GUCY1A2: variants seen among roughly 807,000 people sequenced by gnomAD.
GUCY1A2 encodes guanylate cyclase soluble subunit alpha-2.
In GUCY1A2, 27 loss-of-function variants were observed where a neutral mutation model predicts 63.5. That is an observed-to-expected ratio of 0.43 (90% CI 0.31 to 0.59). The LOEUF is 0.59. Ranked by LOEUF, GUCY1A2 falls within the 20% of genes least tolerant of loss-of-function variation. The pLI, the probability that GUCY1A2 is intolerant of heterozygous loss-of-function variation, is 0.11. For missense variants in GUCY1A2, 768 were observed against 913.3 expected, an observed-to-expected ratio of 0.84 and a Z score of 2.05; for synonymous variants, 364 against 343.5, an observed-to-expected ratio of 1.06 and a Z score of -0.66.
chr11:106,756,836 C>T (rs1436286417), intron 6 of GUCY1A2, among the ~76,000 whole-genome samples: 1 of 152,076 alleles, frequency 6.6e-6, no homozygotes, highest in Non-Finnish European at 1.5e-5. Context: ...TGGGGTTGCT[C>T]TTCTCGAGGA....
At chr11:106,956,567 G>T (rs990357569) in intron 3 of GUCY1A2, among the ~76,000 whole-genome samples, 1 of 152,000 alleles carries the variant, frequency 6.6e-6, no homozygotes. Flanking sequence ...TTTGCTAGGG[G>T]TTCACTTCAG....
intron 4 of GUCY1A2, among the ~76,000 whole-genome samples, chr11:106,879,234 T>A (rs2135470103): frequency 6.6e-6 from 1 of 152,224 alleles, no homozygotes; most frequent in South Asian, 2.1e-4. Flanking sequence ...GTCCTATGTG[T>A]GTTTATTCAG....
Position 106,873,892 on chromosome 11 carries a change from G to T in GUCY1A2, c.1207-63414C>A, listed in dbSNP as rs116586094. ...CAATCTGTTAATAATTATCCAAATT[G>T]TCTATGAACTCTCCATGTCTCCATG... On this transcript the variant is annotated intron_variant, in intron 4 of 7. Coordinates refer to ENST00000526355, the MANE Select transcript of GUCY1A2 (RefSeq NM_000855.3). Among the ~76,000 whole-genome samples, 1,340 of 152,212 alleles carry T rather than the reference G, an allele frequency of 8.8e-3. 17 individuals carry two copies. The highest frequency in any genetic ancestry group is 0.031 in the African/African-American group (1,278 of 41,546).
chr11:106,816,357 C>CT (rs1371116504), intron 4 of GUCY1A2, among the ~76,000 whole-genome samples: 1 of 151,532 alleles, frequency 6.6e-6, no homozygotes, highest in Non-Finnish European at 1.5e-5. Context: ...GAAAATGAAA[C>CT]AACACTTTTC....
chr11:106,869,249 T>C (rs982224132), intron 4 of GUCY1A2, among the ~76,000 whole-genome samples: 2 of 152,068 alleles, frequency 1.3e-5, no homozygotes, highest in Non-Finnish European at 2.9e-5. Context: ...AATGCCAAAA[T>C]TGACAAATGG....
chr11:106,984,083 G>A (rs1861371023), intron 2 of GUCY1A2, among the ~76,000 whole-genome samples: 1 of 152,134 alleles, frequency 6.6e-6, no homozygotes, highest in South Asian at 2.1e-4. Flanking sequence ...TGAGAAAAAA[G>A]GCAAGAAAGG....
At chr11:106,736,049 T>C (rs2135375051) in intron 6 of GUCY1A2, among the ~76,000 whole-genome samples, 1 of 152,304 alleles carries the variant, frequency 6.6e-6, no homozygotes, top group Admixed American at 6.5e-5. Context: ...GTCAGATAGA[T>C]AGTTTGCAAA....
At chr11:106,925,391 A>G (rs1004136147) in intron 4 of GUCY1A2, among the ~76,000 whole-genome samples, 2 of 152,184 alleles carry the variant, frequency 1.3e-5, no homozygotes, top group Non-Finnish European at 2.9e-5. Flanking sequence ...TGAGTTTTAT[A>G]CCAAGAGGTA....
intron 6 of GUCY1A2, among the ~76,000 whole-genome samples, chr11:106,756,849 A>G (rs1051821345): frequency 5.9e-5 from 9 of 152,082 alleles, no homozygotes; most frequent in African/African-American, 2.2e-4. Flanking sequence ...CTCGAGGAAT[A>G]TCTTTGTGGT....
intron 6 of GUCY1A2, among the ~76,000 whole-genome samples, chr11:106,739,477 T>C (rs1863652051): frequency 1.3e-5 from 2 of 152,208 alleles, no homozygotes; most frequent in Admixed American, 1.3e-4. Flanking sequence ...ACACTATGTT[T>C]TACCTTGTTT....
chr11:106,722,536 A>G (rs1431329394), intron 6 of GUCY1A2, among the ~76,000 whole-genome samples: 5 of 152,094 alleles, frequency 3.3e-5, no homozygotes. Flanking sequence ...AGAATAATAG[A>G]ACCATGAACC....
chr11:106,698,783 C>T (rs372525546), intron 7 of GUCY1A2, among the ~76,000 whole-genome samples: 20 of 152,238 alleles, frequency 1.3e-4, no homozygotes, highest in South Asian at 6.2e-4. Flanking sequence ...AAGATGAGAT[C>T]ATTTATGTGG....
chr11:106,823,600 T>C (rs555862908), intron 4 of GUCY1A2, among the ~76,000 whole-genome samples: 2 of 152,142 alleles, frequency 1.3e-5, no homozygotes, highest in African/African-American at 2.4e-5. Context: ...AGAAGTGGGA[T>C]TGCTGGGTCA....
rs1477807154 is a variant in GUCY1A2, at chr11:106,678,030, A to C, written c.*9519T>G. On this transcript the variant is annotated 3_prime_UTR_variant, in exon 8 of 8. Coordinates refer to ENST00000526355, the MANE Select transcript of GUCY1A2 (RefSeq NM_000855.3). ...AAATGAATTTTATGAGTGCCTGGTGACACACTTGAAACAAATTTTAAAAGA... is the reference window on the plus strand; with the variant it reads ...AAATGAATTTTATGAGTGCCTGGTGCCACACTTGAAACAAATTTTAAAAGA... The C allele has an allele frequency of 5.0e-6, 1 of 201,874 alleles. No homozygotes were observed. 12.5% of individuals were successfully genotyped at this position (201,874 alleles called of 1,614,324 possible).
At chr11:106,765,546 A>G (rs187992878) in intron 6 of GUCY1A2, among the ~76,000 whole-genome samples, 231 of 152,258 alleles carry the variant, frequency 1.5e-3, no homozygotes, top group Admixed American at 2.9e-3. Context: ...CATTTGTTGA[A>G]TAAATGAGTA....
chr11:106,799,991 A>G (rs1026812577), intron 5 of GUCY1A2, among the ~76,000 whole-genome samples: 2 of 152,320 alleles, frequency 1.3e-5, no homozygotes, highest in African/African-American at 4.8e-5. Context: ...CAATTTACTC[A>G]TCTGACAAAG....
At chr11:107,015,102 T>G (rs1211251701) in intron 1 of GUCY1A2, among the ~76,000 whole-genome samples, 1 of 152,144 alleles carries the variant, frequency 6.6e-6, no homozygotes, top group Non-Finnish European at 1.5e-5. Context: ...AAATATAATC[T>G]CTCTCTTTTA....
intron 4 of GUCY1A2, chr11:106,824,019 T>C (rs1858935571): frequency 5.3e-6 from 7 of 1,313,622 alleles, no homozygotes; most frequent in African/African-American, 3.1e-5. Context: ...CCGTGATTCC[T>C]TCAAAAGCTT....
chr11:106,935,294 C>A (rs4754175), intron 4 of GUCY1A2, among the ~76,000 whole-genome samples: 129,308 of 152,120 alleles, frequency 0.85, 55,541 homozygotes, highest in East Asian at 1. Flanking sequence ...AGGAACACAA[C>A]TAATAATAGC....
Sources: allele counts gnomAD v4.1 joint callset (sites outside exome capture counted in the v4.1 genomes callset), GRCh38; gene constraint gnomAD v4.1.1; transcripts MANE v1.5; gene names NCBI Gene and HGNC (gene_info 2026-07-23, HGNC 2026-07-21).